RPE65: variants seen among roughly 807,000 people sequenced by gnomAD.
The protein encoded by RPE65 is retinoid isomerohydrolase.
RPE65 carries 58 observed loss-of-function variants against 68.5 expected under a neutral mutation model. The observed-to-expected ratio is 0.85, with a 90% CI of 0.69 to 1.05. The LOEUF (loss-of-function observed/expected upper bound fraction) is 1.05, where lower values mean the gene tolerates loss of function less well. Ranked by LOEUF, RPE65 falls within the 50% of genes least tolerant of loss-of-function variation. The pLI is 0.00. For synonymous variants in RPE65, 220 were observed against 222.2 expected, an observed-to-expected ratio of 0.99 and a Z score of 0.09; for missense variants, 643 against 629.9, an observed-to-expected ratio of 1.02 and a Z score of -0.22.
intron 13 of RPE65, 116 bp downstream of exon 13, chr1:68,430,949 G>A: frequency 1.2e-6 from 1 of 801,302 alleles, no homozygotes; most frequent in Admixed American, 2.0e-5. Context: ...TCTATTTATA[G>A]TATTAAGGAT....
At chr1:68,439,352 A>C in intron 7 of RPE65, 29 bp from the exon 8 acceptor site, 2 of 1,611,774 alleles carry the variant, frequency 1.2e-6, no homozygotes, top group Non-Finnish European at 1.7e-6. Flanking sequence ...GGGCTTGTGA[A>C]TGAAAGGGCT....
chr1:68,439,667 C>CT, intron 6 of RPE65, 25 bp from the exon 7 acceptor site: 1 of 1,590,514 alleles, frequency 6.3e-7, no homozygotes, highest in Non-Finnish European at 8.6e-7. Context: ...TTTTAAAAGG[C>CT]TTTGGAAGAG....
In RPE65 at chr1:68,431,542, G is replaced by T. The variant is rs753540419; in HGVS notation, c.1172C>A (p.Ala391Asp). Reference sequence around the variant, plus strand: ...CTCGTCACTGCACAGAATTGCAGTGGCAGTTGTATTGGGGAGCGTGACTAA... The same window carrying T: ...CTCGTCACTGCACAGAATTGCAGTGTCAGTTGTATTGGGGAGCGTGACTAA... Reference protein sequence around the residue: ...KNLVTLPNTTATAILCSDETI... With the variant: ...KNLVTLPNTTDTAILCSDETI... Residue 391 changes from alanine to aspartate, a missense_variant, in exon 11 of 14, where the codon GCC (alanine) becomes GAC (aspartate). Transcript: ENST00000262340. The T allele has an allele frequency of 1.2e-6, 2 of 1,613,952 alleles. No individual in the cohort carries two copies. Among genetic ancestry groups the T allele is most frequent in the East Asian group, 2.2e-5 (1 of 44,876 alleles).
In RPE65 at chr1:68,439,282, G is replaced by A. The variant is rs1168696080; in HGVS notation, c.767C>T (p.Pro256Leu). The A allele has an allele frequency of 6.2e-7, 1 of 1,613,924 alleles. No homozygotes were observed. Among genetic ancestry groups the A allele is most frequent in the South Asian group, 1.1e-5 (1 of 91,072 alleles). Reference protein sequence around the residue: ...TPNYIVFVETPVKINLFKFLS... With the variant: ...TPNYIVFVETLVKINLFKFLS... ...GAACTTGAACAGGTTAATTTTGACT[G>A]GTGTCTCCACAAAAACGATATAGTT... Residue 256 changes from proline to leucine, a missense_variant, in exon 8 of 14, where the codon CCA (proline) becomes CTA (leucine). Transcript: ENST00000262340.
intron 3 of RPE65, 140 bp downstream of exon 3, chr1:68,446,570 C>T: frequency 1.0e-6 from 1 of 959,352 alleles, no homozygotes; most frequent in Non-Finnish European, 1.6e-6. Flanking sequence ...TCCATGCAGA[C>T]ACACTGGCCC....
intron 6 of RPE65, among the ~76,000 whole-genome samples, chr1:68,439,988 G>T (rs1324190226): frequency 6.6e-6 from 1 of 152,146 alleles, no homozygotes; most frequent in Non-Finnish European, 1.5e-5. Context: ...AACATCTTAA[G>T]ATGCCCAAAG....
intron 3 of RPE65, among the ~76,000 whole-genome samples, chr1:68,445,622 T>G (rs1408176057): frequency 2.0e-5 from 3 of 152,124 alleles, no homozygotes; most frequent in Non-Finnish European, 4.4e-5. Flanking sequence ...CAAGCTATAC[T>G]CTTGCCTCAG....
At chr1:68,442,661 G>C (rs1369104579) in intron 5 of RPE65, among the ~76,000 whole-genome samples, 1 of 152,192 alleles carries the variant, frequency 6.6e-6, no homozygotes, top group African/African-American at 2.4e-5. Context: ...AGTGGAACCT[G>C]ACTCCTAATA....
At position 68,446,824 on chromosome 1, in the gene RPE65, C is replaced by G. The variant is rs61751282; in HGVS notation, c.131G>C (p.Arg44Pro). ...AACTTCAAAGAGTCCTGGCCCACAT[C>G]GAAGGAGACTGCCGGTGAGCCAGAG... ...IPLWLTGSLL[R>P]CGPGLFEVGS... The change falls in exon 3 of 14, where the codon CGA becomes CCA. Residue 44 changes from arginine (R) to proline (P), a missense_variant. By Grantham distance (103) the Arg-to-Pro change is moderately radical. Coordinates refer to ENST00000262340, the MANE Select transcript of RPE65 (RefSeq NM_000329.3). 6.2e-7 allele frequency: 1 copy of G among 1,613,952 alleles called. No individual in the cohort carries two copies. The highest frequency in any genetic ancestry group is 1.3e-5 in the African/African-American group (1 of 75,028).
chr1:68,441,047 A>T (rs1314662623), intron 5 of RPE65, 47 bp from the exon 6 acceptor site: 1 of 1,608,648 alleles, frequency 6.2e-7, no homozygotes, highest in Non-Finnish European at 8.5e-7. Flanking sequence ...AGGAAGATAC[A>T]TTATACCTTT....
rs112982614 is a variant in RPE65 at position 68,440,586 on chromosome 1, C to CAT, written c.643+265_643+266dup. 3.0e-3 allele frequency among the ~76,000 whole-genome samples: 458 copies of CAT among 151,818 alleles called. 3 individuals carry two copies. Among genetic ancestry groups the CAT allele is most frequent in the African/African-American group, 9.4e-3 (388 of 41,418 alleles). On this transcript the variant is annotated intron_variant, in intron 6 of 13. Coordinates refer to ENST00000262340, the MANE Select transcript of RPE65 (RefSeq NM_000329.3). Reference sequence around the variant, plus strand: ...AATCCTAATTGTATATGATCAAATCCATATATATATATGTACTACATTTTT... The same window carrying CAT: ...AATCCTAATTGTATATGATCAAATCCATATATATATATATGTACTACATTTTT...
At chr1:68,436,133 A>AACTTAAC (rs1429649568) in intron 10 of RPE65, among the ~76,000 whole-genome samples, 2 of 152,052 alleles carry the variant, frequency 1.3e-5, no homozygotes, top group African/African-American at 4.8e-5. Context: ...ATCCTCTTTT[A>AACTTAAC]TTTCCTTAAA....
At chr1:68,432,698 A>G (rs1209824082) in intron 10 of RPE65, among the ~76,000 whole-genome samples, 1 of 152,110 alleles carries the variant, frequency 6.6e-6, no homozygotes, top group African/African-American at 2.4e-5. Context: ...TTTCTCTGTG[A>G]GTGAGTGATG....
intron 2 of RPE65, 101 bp downstream of exon 2, chr1:68,448,523 G>A: frequency 2.8e-6 from 3 of 1,068,492 alleles, no homozygotes; most frequent in East Asian, 4.9e-5. Flanking sequence ...CTCTCCCTGT[G>A]ACCCACAGGG....
intron 5 of RPE65, 121 bp from the exon 6 acceptor site, chr1:68,441,121 C>A (rs1360442772): frequency 1.7e-6 from 2 of 1,165,232 alleles, no homozygotes; most frequent in African/African-American, 3.1e-5. Flanking sequence ...TCTCTTTCTT[C>A]CCATCTCTCT....
At chr1:68,449,180 T>G (rs184193928) in intron 1 of RPE65, among the ~76,000 whole-genome samples, 1 of 152,118 alleles carries the variant, frequency 6.6e-6, no homozygotes, top group Non-Finnish European at 1.5e-5. Context: ...GAGAGACCCA[T>G]TTATCTCCTT....
rs143056561 is a variant in RPE65, at chr1:68,444,834, C to T, written c.295G>A (p.Val99Ile). Reference sequence around the variant, plus strand: ...GCACAGGTGCCAAATTCTGTTATGACGATCCTTTTCTCAGTCATTGCCCGT... The same window carrying T: ...GCACAGGTGCCAAATTCTGTTATGATGATCCTTTTCTCAGTCATTGCCCGT... ...YVRAMTEKRI[V>I]ITEFGTCAFP... is the part of the protein sequence containing the mutation. The change falls in exon 4 of 14, where the codon GTC (valine) becomes ATC (isoleucine). Residue 99 changes from valine (V) to isoleucine (I), a missense_variant. Coordinates refer to ENST00000262340, the MANE Select transcript of RPE65 (RefSeq NM_000329.3). 7.2e-5 allele frequency: 116 copies of T among 1,613,992 alleles called. 3 individuals are homozygous for T. In the East Asian group the frequency reaches 1.9e-3, roughly 26 times the overall value.
At chr1:68,449,248 C>T (rs1470215769) in intron 1 of RPE65, among the ~76,000 whole-genome samples, 1 of 152,082 alleles carries the variant, frequency 6.6e-6, no homozygotes, top group African/African-American at 2.4e-5. Context: ...TCATTATTCA[C>T]TCATATTATA....
Position 68,439,283 on chromosome 1 carries a change from G to A in RPE65, c.766C>T (p.Pro256Ser), listed in dbSNP as rs893938161. ...TPNYIVFVET[P>S]VKINLFKFLS... ...AACTTGAACAGGTTAATTTTGACTGGTGTCTCCACAAAAACGATATAGTTG... is the reference window on the plus strand; with the variant it reads ...AACTTGAACAGGTTAATTTTGACTGATGTCTCCACAAAAACGATATAGTTG... Residue 256 changes from proline to serine, a missense_variant, in exon 8 of 14, where the codon CCA becomes TCA. Transcript: ENST00000262340. 2.5e-6 allele frequency: 4 copies of A among 1,613,910 alleles called. No individual in the cohort carries two copies. The highest frequency in any genetic ancestry group is 2.5e-6 in the Non-Finnish European group (3 of 1,179,960).
Sources: allele counts gnomAD v4.1 joint callset (sites outside exome capture counted in the v4.1 genomes callset), GRCh38; gene constraint gnomAD v4.1.1; transcripts MANE v1.5; gene names NCBI Gene and HGNC (gene_info 2026-07-23, HGNC 2026-07-21).